PCLO: variants seen among roughly 807,000 people sequenced by gnomAD.
PCLO encodes the protein piccolo presynaptic cytomatrix protein, also known as protein piccolo.
In PCLO, 82 loss-of-function variants were observed where a neutral mutation model predicts 427.5. The observed-to-expected ratio is 0.19, with a 90% CI of 0.16 to 0.23. The LOEUF (loss-of-function observed/expected upper bound fraction) is 0.23. Among genes scored for constraint, PCLO ranks in the 10% least tolerant of loss-of-function variants. The probability of loss-of-function intolerance (pLI) is 1.00; values close to 1 mark genes in which losing one functional copy is unlikely to be tolerated. For synonymous variants in PCLO, 2,357 were observed against 2,155.4 expected, an observed-to-expected ratio of 1.09 and a Z score of -2.59; for missense variants, 6,239 against 6,115.9, an observed-to-expected ratio of 1.02 and a Z score of -0.67.
At chr7:83,134,205 C>T (rs1474960994) in intron 3 of PCLO, 45 bp downstream of exon 3, 1 of 575,970 alleles carries the variant, frequency 1.7e-6, no homozygotes, top group African/African-American at 2.2e-5. Context: ...CCCACAGACT[C>T]ACCTCCATAT....
chr7:82,953,276 G>A lies in PCLO; in HGVS notation c.7677C>T (p.Ser2559=), dbSNP rs1005186151. The part of the protein sequence containing the change: ...SADYKLPSPT[S]PLSPHSNKSS... The stretch of plus-strand genomic sequence containing the variant: ...ACTTGTTGGAGTGTGGGGAAAGTGG[G>A]GAGGTAGGGGAAGGCAATTTATAAT... The change falls in exon 5 of 25, where the codon TCC becomes TCT. Residue 2559 remains serine (S), a synonymous_variant. Transcript: ENST00000333891. 1.9e-6 allele frequency: 3 copies of A among 1,613,778 alleles called. No homozygotes were observed. In the African/African-American group the frequency reaches 4.0e-5, roughly 22 times the overall value.
Position 82,950,211 on chromosome 7 carries a change from A to G in PCLO, c.10377T>C (p.Ser3459=). ...CACTCTTTTTAGTTCTCCTTCTCCT[A>G]CTCACATAGCTCCGATCTGTGGCAT... is the stretch of plus-strand genomic sequence containing the variant. ...DEDATDRSYV[S]RRRRTKKSVD... is the part of the protein sequence containing the mutation. The change falls in exon 6 of 25, where the codon AGT becomes AGC. Residue 3459 remains serine (S), a synonymous_variant. Coordinates refer to ENST00000333891, the MANE Select transcript of PCLO (RefSeq NM_033026.6). The G allele has an allele frequency of 6.2e-7, 1 of 1,610,516 alleles. No individual in the cohort carries two copies. Among genetic ancestry groups the G allele is most frequent in the South Asian group, 1.1e-5 (1 of 90,876 alleles).
Position 82,956,447 on chromosome 7 carries a change from G to A in PCLO, c.4506C>T (p.Asp1502=). The A allele has an allele frequency of 6.2e-7, 1 of 1,613,666 alleles. No homozygotes were observed. The highest frequency in any genetic ancestry group is 8.5e-7 in the Non-Finnish European group (1 of 1,179,722). Residue 1502 remains aspartate, a synonymous_variant, in exon 5 of 25, where the codon GAC becomes GAT. Transcript: ENST00000333891. Reference sequence around the variant, plus strand: ...CATAAGGCTCTCTTCTAGTAGTTATGTCATCAACAAACTCAGACTTCTCTT... The same window carrying A: ...CATAAGGCTCTCTTCTAGTAGTTATATCATCAACAAACTCAGACTTCTCTT... ...DHKEKSEFVD[D]ITTRREPYDS... is the part of the protein sequence containing the mutation.
intron 22 of PCLO, among the ~76,000 whole-genome samples, chr7:82,765,306 A>C (rs944183641): frequency 6.6e-6 from 1 of 151,908 alleles, no homozygotes; most frequent in Admixed American, 6.6e-5. Flanking sequence ...AAAAAAATAA[A>C]AAATACAATT....
chr7:82,924,396 A>G (rs1206038775), intron 6 of PCLO, among the ~76,000 whole-genome samples: 1 of 152,114 alleles, frequency 6.6e-6, no homozygotes, highest in Non-Finnish European at 1.5e-5. Context: ...AAAGGTATTC[A>G]ACTAGCTATT....
At chr7:83,030,586 G>A (rs1380291241) in intron 3 of PCLO, among the ~76,000 whole-genome samples, 1 of 152,168 alleles carries the variant, frequency 6.6e-6, no homozygotes, top group Non-Finnish European at 1.5e-5. Flanking sequence ...GAATTACAGT[G>A]ATGAAAATGA....
chr7:83,112,568 G>T (rs1410494109), intron 3 of PCLO, among the ~76,000 whole-genome samples: 1 of 152,142 alleles, frequency 6.6e-6, no homozygotes, highest in African/African-American at 2.4e-5. Flanking sequence ...AAATTTCAGA[G>T]AATATTTCTC....
chr7:82,919,082 T>A (rs973328972), intron 6 of PCLO, among the ~76,000 whole-genome samples: 4 of 151,896 alleles, frequency 2.6e-5, no homozygotes, highest in African/African-American at 9.7e-5. Context: ...ACTTCTTGTG[T>A]TTAGGTGAGA....
chr7:82,830,272 T>C (rs13228928), intron 16 of PCLO, among the ~76,000 whole-genome samples: 1 of 151,924 alleles, frequency 6.6e-6, no homozygotes, highest in Non-Finnish European at 1.5e-5. Flanking sequence ...TGAAATATTT[T>C]ATAATGAAAA....
At position 82,761,454 on chromosome 7, in the gene PCLO, T is replaced by A; in HGVS notation, c.15047A>T (p.Lys5016Met). The change falls in exon 23 of 25, where the codon AAG (lysine) becomes ATG (methionine). Residue 5016 changes from lysine to methionine, a missense_variant. Physicochemically the swap from Lys to Met is moderately conservative, Grantham distance 95. Around this residue, in one of 5 missense-constraint regions of PCLO, gnomAD observed 877 missense variants for 925.5 expected, o/e 0.95. Coordinates refer to ENST00000333891, the MANE Select transcript of PCLO (RefSeq NM_033026.6). ...TTCACCATCTGTCTTCATTTCCTTC[T>A]TCAATGCAATCTTGATTTCTCCCAT... is the stretch of plus-strand genomic sequence containing the variant. Reference protein sequence around the residue: ...QVMGEIKIALKKEMKTDGEQL... With the variant: ...QVMGEIKIALMKEMKTDGEQL... 6.3e-7 allele frequency: 1 copy of A among 1,597,744 alleles called. No individual in the cohort carries two copies. Among genetic ancestry groups the A allele is most frequent in the Non-Finnish European group, 8.5e-7 (1 of 1,170,722 alleles).
chr7:82,924,482 T>C (rs960908724), intron 6 of PCLO, among the ~76,000 whole-genome samples: 1 of 152,070 alleles, frequency 6.6e-6, no homozygotes, highest in Non-Finnish European at 1.5e-5. Context: ...GCATACTCAG[T>C]GAAGAAGATG....
chr7:83,024,477 T>G (rs920619703), intron 3 of PCLO, among the ~76,000 whole-genome samples: 4 of 152,142 alleles, frequency 2.6e-5, no homozygotes, highest in Non-Finnish European at 1.5e-5. Context: ...TCTCGCTGAT[T>G]GCTAGCACGG....
chr7:83,051,221 A>T (rs1789245996), intron 3 of PCLO, among the ~76,000 whole-genome samples: 1 of 152,080 alleles, frequency 6.6e-6, no homozygotes, highest in African/African-American at 2.4e-5. Flanking sequence ...CTAATGCAAT[A>T]AAAAAAGAGA....
At chr7:82,758,844 T>A in intron 24 of PCLO, 129 bp from the exon 25 acceptor site, 2 of 561,716 alleles carry the variant, frequency 3.6e-6, no homozygotes, top group East Asian at 5.9e-5. Context: ...TGAGTAGAAG[T>A]AGCAGACATA....
chr7:82,886,485 A>C (rs2116087769), intron 9 of PCLO, among the ~76,000 whole-genome samples: 1 of 152,222 alleles, frequency 6.6e-6, no homozygotes, highest in Non-Finnish European at 1.5e-5. Flanking sequence ...ACTAACCACT[A>C]TTTTGGAGGG....
intron 3 of PCLO, among the ~76,000 whole-genome samples, chr7:82,982,467 C>T (rs1297482102): frequency 3.3e-5 from 5 of 151,954 alleles, no homozygotes; most frequent in South Asian, 2.1e-4. Flanking sequence ...TGCACAGAAG[C>T]GGGGTCATGA....
intron 3 of PCLO, among the ~76,000 whole-genome samples, chr7:83,114,111 C>A (rs1791073201): frequency 6.6e-6 from 1 of 152,082 alleles, no homozygotes; most frequent in African/African-American, 2.4e-5. Flanking sequence ...TAAGAGAAAG[C>A]CTGCATTTCA....
chr7:82,857,357 C>G (rs563822697), intron 10 of PCLO, among the ~76,000 whole-genome samples: 2 of 152,084 alleles, frequency 1.3e-5, no homozygotes, highest in African/African-American at 4.8e-5. Context: ...AGTATTCTTA[C>G]TGAATTATTA....
intron 3 of PCLO, among the ~76,000 whole-genome samples, chr7:83,007,480 G>C (rs1306377846): frequency 6.6e-6 from 1 of 151,386 alleles, no homozygotes; most frequent in Non-Finnish European, 1.5e-5. Context: ...TATAGCTATG[G>C]AAAAACGATA....
Sources: allele counts gnomAD v4.1 joint callset (sites outside exome capture counted in the v4.1 genomes callset), GRCh38; gene constraint gnomAD v4.1.1; regional missense constraint gnomAD v4.1.1; transcripts MANE v1.5; gene names NCBI Gene and HGNC (gene_info 2026-07-23, HGNC 2026-07-21).